The following NDUFA10 variants were observed in gnomAD, a reference collection of about 807,000 sequenced individuals.
NDUFA10 encodes the protein NADH dehydrogenase [ubiquinone] 1 alpha subcomplex subunit 10, mitochondrial.
A neutral mutation model predicts 47.8 loss-of-function variants in NDUFA10; 40 were observed. The observed-to-expected ratio is 0.84, with a 90% CI of 0.65 to 1.09. The LOEUF (loss-of-function observed/expected upper bound fraction) is 1.09. NDUFA10 is among the 50% of genes least tolerant of loss of function. NDUFA10 has a pLI of 0.00. For missense variants in NDUFA10, 413 were observed against 451.1 expected, an observed-to-expected ratio of 0.92 and a Z score of 0.76; for synonymous variants, 183 against 172.2, an observed-to-expected ratio of 1.06 and a Z score of -0.49.
At position 239,958,857 on chromosome 2, in the gene NDUFA10, G is replaced by T; in HGVS notation, c.*2261C>A. On this transcript the variant is annotated 3_prime_UTR_variant, in exon 10 of 10. Transcript: ENST00000252711. Reference sequence around the variant, plus strand: ...CAAAACCATACTGCTGCAACAGCATGATTATTTCCTGATCTCCAAAGCACT... The same window carrying T: ...CAAAACCATACTGCTGCAACAGCATTATTATTTCCTGATCTCCAAAGCACT... 1.2e-6 allele frequency: 1 copy of T among 815,744 alleles called. No individual in the cohort carries two copies. Among genetic ancestry groups the T allele is most frequent in the Non-Finnish European group, 1.5e-6 (1 of 675,200 alleles). The allele number at this position is 815,744 out of a possible 1,614,324, so 50.5% of individuals were successfully genotyped here. A position where few individuals can be genotyped will look rare whatever the true frequency, so the allele number is the denominator to read the frequency against.
chr2:239,962,796 G>A (rs961133626), intron 9 of NDUFA10, among the ~76,000 whole-genome samples: 1 of 152,212 alleles, frequency 6.6e-6, no homozygotes, highest in African/African-American at 2.4e-5. Context: ...ACGCCACATA[G>A]TGGGAGTAGG....
At chr2:239,986,835 T>G (rs1696021477) in intron 9 of NDUFA10, among the ~76,000 whole-genome samples, 1 of 152,130 alleles carries the variant, frequency 6.6e-6, no homozygotes, top group South Asian at 2.1e-4. Flanking sequence ...GACTAAATAT[T>G]AAGAGTAAAA....
chr2:239,995,528 C>A (rs1696438265), intron 8 of NDUFA10, among the ~76,000 whole-genome samples: 1 of 152,016 alleles, frequency 6.6e-6, no homozygotes, highest in African/African-American at 2.4e-5. Flanking sequence ...CCAGAGAAGG[C>A]AGAAAAAGAG....
chr2:239,984,584 C>G (rs1483778669), intron 9 of NDUFA10, among the ~76,000 whole-genome samples: 1 of 152,196 alleles, frequency 6.6e-6, no homozygotes, highest in Non-Finnish European at 1.5e-5. Flanking sequence ...ACATAAAACA[C>G]AGTGATTGAA....
At chr2:240,017,226 C>T (rs879306572) in intron 4 of NDUFA10, among the ~76,000 whole-genome samples, 2 of 152,210 alleles carry the variant, frequency 1.3e-5, no homozygotes, top group African/African-American at 2.4e-5. Context: ...AGTTTCAGGA[C>T]AGAAGCCAAG....
chr2:240,007,657 C>A (rs933608411), intron 6 of NDUFA10, among the ~76,000 whole-genome samples: 1 of 152,230 alleles, frequency 6.6e-6, no homozygotes, highest in African/African-American at 2.4e-5. Flanking sequence ...GCGTGACAGA[C>A]CACAGCCATC....
At chr2:239,893,915 T>G (rs1693342709) in intron 5 of NDUFA10, among the ~76,000 whole-genome samples, 1 of 147,552 alleles carries the variant, frequency 6.8e-6, no homozygotes, top group South Asian at 2.2e-4. Context: ...CATCCTCAAC[T>G]CCATCATCCC....
intron 9 of NDUFA10, among the ~76,000 whole-genome samples, chr2:239,972,819 T>A (rs994558627): frequency 2.0e-5 from 3 of 152,250 alleles, no homozygotes; most frequent in African/African-American, 7.2e-5. Flanking sequence ...GAAAAGCTCC[T>A]AACCTAAGTG....
rs1166845073 is a variant in NDUFA10 at position 239,898,980 on chromosome 2, A to ATGATGGAGAGGTGTGATGGAGAGGTG, written c.295-3692_295-3667dup. Among the ~76,000 whole-genome samples the ATGATGGAGAGGTGTGATGGAGAGGTG allele has an allele frequency of 5.1e-4, 41 of 80,040 alleles. 1 individual carries two copies. Among genetic ancestry groups the ATGATGGAGAGGTGTGATGGAGAGGTG allele is most frequent in the African/African-American group, 8.9e-4 (22 of 24,802 alleles). The allele number at this position is 80,040 out of a possible 152,430, so 52.5% of individuals were successfully genotyped here. Reference sequence around the variant, plus strand: ...GTGTGGCAGGGTGTGATGAAGAGGTATGATGGAGAGGTGTGATGGAGAGGT... The same window carrying ATGATGGAGAGGTGTGATGGAGAGGTG: ...GTGTGGCAGGGTGTGATGAAGAGGTATGATGGAGAGGTGTGATGGAGAGGTGTGATGGAGAGGTGTGATGGAGAGGT... On this transcript the variant is annotated intron_variant, in intron 4 of 5. Transcript: ENST00000419408.
At chr2:239,912,878 C>T (rs1386727530) in intron 4 of NDUFA10, among the ~76,000 whole-genome samples, 1 of 152,216 alleles carries the variant, frequency 6.6e-6, no homozygotes, top group Non-Finnish European at 1.5e-5. Flanking sequence ...AACTCCAGAC[C>T]TCCTTGTCCC....
chr2:239,947,500 C>T (rs1254576474), intron 4 of NDUFA10, among the ~76,000 whole-genome samples: 1 of 152,198 alleles, frequency 6.6e-6, no homozygotes, highest in Non-Finnish European at 1.5e-5. Flanking sequence ...CAGACAGGGA[C>T]AGTCCCTGCC....
chr2:239,973,598 CA>C (rs2106413262), intron 9 of NDUFA10: 1 of 470,054 alleles, frequency 2.1e-6, no homozygotes, highest in South Asian at 1.6e-5. Flanking sequence ...AGGGAACGAT[CA>C]GCTTCAAGGA....
intron 5 of NDUFA10, chr2:240,011,954 G>C: frequency 2.1e-6 from 1 of 480,568 alleles, no homozygotes; most frequent in Non-Finnish European, 3.8e-6. Context: ...TGTATACTTA[G>C]GGCAAGAAAG....
At chr2:240,009,213 G>C (rs751551561) in intron 6 of NDUFA10, among the ~76,000 whole-genome samples, 1 of 152,186 alleles carries the variant, frequency 6.6e-6, no homozygotes, top group Non-Finnish European at 1.5e-5. Context: ...TGTCAGGCTG[G>C]TCACTCAGTG....
intron 4 of NDUFA10, among the ~76,000 whole-genome samples, chr2:239,933,577 C>G (rs567191649): frequency 9.2e-5 from 14 of 151,504 alleles, no homozygotes; most frequent in African/African-American, 3.4e-4. Flanking sequence ...AGTGCAGTGG[C>G]GGGATCTCTC....
At chr2:239,992,131 A>G (rs1481262145) in intron 8 of NDUFA10, among the ~76,000 whole-genome samples, 1 of 152,238 alleles carries the variant, frequency 6.6e-6, no homozygotes, top group Non-Finnish European at 1.5e-5. Context: ...AAATAAAGAT[A>G]CAAGGAATCA....
At chr2:239,984,640 C>T (rs1171015175) in intron 9 of NDUFA10, among the ~76,000 whole-genome samples, 1 of 152,202 alleles carries the variant, frequency 6.6e-6, no homozygotes, top group Non-Finnish European at 1.5e-5. Flanking sequence ...ACGGCTAACA[C>T]ATCTGTCCCC....
chr2:239,986,178 G>A (rs1040095705), intron 9 of NDUFA10, among the ~76,000 whole-genome samples: 2 of 152,218 alleles, frequency 1.3e-5, no homozygotes. Context: ...AAAAAACAGT[G>A]AAGTTTGGAA....
At chr2:240,018,513 G>A (rs751099651) in intron 4 of NDUFA10, 40 bp downstream of exon 4, 16 of 1,613,992 alleles carry the variant, frequency 9.9e-6, no homozygotes, top group East Asian at 2.2e-5. Flanking sequence ...TTGCAAAGTC[G>A]CACCACACAC....
Sources: gnomAD v4.1 joint callset for allele counts (sites outside exome capture counted in the v4.1 genomes callset) on GRCh38, gnomAD v4.1.1 for gene constraint, MANE v1.5 for transcripts, NCBI Gene and HGNC (gene_info 2026-07-23, HGNC 2026-07-21) for gene names.